ADAM2: variants seen among roughly 807,000 people sequenced by gnomAD.
The protein encoded by ADAM2 is ADAM metallopeptidase domain 2.
Under a neutral mutation model 99.3 loss-of-function variants are expected in ADAM2, and 101 were observed. The observed-to-expected ratio is 1.02, with a 90% CI of 0.87 to 1.20. ADAM2 has a LOEUF of 1.20. ADAM2 is among the 50% of genes most tolerant of loss of function. The pLI is 0.00. For missense variants in ADAM2, 948 were observed against 878.7 expected (o/e 1.08, Z -1.00); for synonymous variants, 323 against 287.6 (o/e 1.12, Z -1.25).
rs1472182051 is a variant in ADAM2, at chr8:39,788,735, A to T, written c.576T>A (p.Asn192Lys). 6.6e-7 allele frequency: 1 copy of T among 1,507,596 alleles called. No homozygotes were observed. The highest frequency in any genetic ancestry group is 9.0e-7 in the Non-Finnish European group (1 of 1,111,168). 93.4% of individuals were successfully genotyped at this position (1,507,596 alleles called of 1,614,324 possible). ...CAACAGTTGTATCAGACCCCATATG[A>T]TTATACTGTAAAATATTATTACATT... ...MHVIVEKQLY[N>K]HMGSDTTVVA... The change falls in exon 8 of 21, where the codon AAT becomes AAA. Residue 192 changes from asparagine (N) to lysine (K), a missense_variant. Asn to Lys is a moderately conservative substitution (Grantham distance 94). Coordinates refer to ENST00000265708, the MANE Select transcript of ADAM2 (RefSeq NM_001464.5).
At chr8:39,811,117 T>G (rs1299578015) in intron 6 of ADAM2, among the ~76,000 whole-genome samples, 1 of 151,902 alleles carries the variant, frequency 6.6e-6, no homozygotes, top group Non-Finnish European at 1.5e-5. Flanking sequence ...TCACCACCAA[T>G]CCCACAGAAA....
At position 39,766,756 on chromosome 8, in the gene ADAM2, C is replaced by G. The variant is rs955724711; in HGVS notation, c.1507+92G>C. On this transcript the variant is annotated intron_variant, in intron 14 of 20. Coordinates refer to ENST00000265708, the MANE Select transcript of ADAM2 (RefSeq NM_001464.5). ...TTTAGAATATTTAAACTAAATGTGA[C>G]ATTTTAAAAATCACAATCATGTATC... 6.4e-6 allele frequency: 6 copies of G among 943,938 alleles called. No individual in the cohort carries two copies. The African/African-American group carries it at 8.3e-5, about 13-fold the overall frequency. The allele number at this position is 943,938 out of a possible 1,614,324, so 58.5% of individuals were successfully genotyped here.
At chr8:39,773,482 T>A (rs1802863909) in intron 11 of ADAM2, among the ~76,000 whole-genome samples, 1 of 151,624 alleles carries the variant, frequency 6.6e-6, no homozygotes, top group Non-Finnish European at 1.5e-5. Flanking sequence ...TATGATTCTT[T>A]AAAAAAATTA....
intron 7 of ADAM2, 152 bp downstream of exon 7, chr8:39,809,258 C>T: frequency 2.0e-6 from 1 of 509,128 alleles, no homozygotes; most frequent in Non-Finnish European, 3.5e-6. Flanking sequence ...ATTTGATTCT[C>T]AATTTACTAC....
chr8:39,788,911 TA>T (rs908028573), intron 7 of ADAM2, among the ~76,000 whole-genome samples, 171 bp from the exon 8 acceptor site: 1 of 151,552 alleles, frequency 6.6e-6, no homozygotes, highest in Non-Finnish European at 1.5e-5. Flanking sequence ...ATGTTCAGTA[TA>T]AAAACTGAAA....
chr8:39,813,169 A>G (rs1350696059), intron 6 of ADAM2, among the ~76,000 whole-genome samples: 2 of 152,230 alleles, frequency 1.3e-5, no homozygotes, highest in African/African-American at 4.8e-5. Flanking sequence ...AGATGAAAAA[A>G]TGCTCATCAT....
intron 7 of ADAM2, among the ~76,000 whole-genome samples, chr8:39,797,469 A>C (rs1477987680): frequency 6.6e-6 from 1 of 152,178 alleles, no homozygotes; most frequent in Non-Finnish European, 1.5e-5. Flanking sequence ...TATGGTTTGA[A>C]GTCAGGTAGC....
chr8:39,806,312 G>A (rs1215729578), intron 7 of ADAM2, among the ~76,000 whole-genome samples: 5 of 151,730 alleles, frequency 3.3e-5, no homozygotes, highest in Non-Finnish European at 7.4e-5. Context: ...TAGAGAGGCA[G>A]AGTCTTCAGA....
intron 9 of ADAM2, among the ~76,000 whole-genome samples, chr8:39,787,264 A>G (rs6987114): frequency 0.014 from 2,183 of 151,882 alleles, 59 homozygotes; most frequent in African/African-American, 0.05. Flanking sequence ...GATTTCTGTA[A>G]CATAACAAAG....
chr8:39,793,241 A>T (rs181814815), intron 7 of ADAM2, among the ~76,000 whole-genome samples: 24 of 152,242 alleles, frequency 1.6e-4, no homozygotes, highest in Non-Finnish European at 2.5e-4. Flanking sequence ...TGCCTTTTAA[A>T]TGTTAATTCT....
intron 11 of ADAM2, among the ~76,000 whole-genome samples, chr8:39,773,263 C>G (rs202004): frequency 0.18 from 27,622 of 151,412 alleles, 2,817 homozygotes; most frequent in East Asian, 0.29. Context: ...GTATCAAAAA[C>G]GTGTGGTGTG....
At chr8:39,769,970 G>A (rs150073094) in intron 11 of ADAM2, among the ~76,000 whole-genome samples, 3 of 128,202 alleles carry the variant, frequency 2.3e-5, no homozygotes, top group Middle Eastern at 5.8e-3. Context: ...TTTTTGAGAC[G>A]GAGTCTCACT....
intron 6 of ADAM2, among the ~76,000 whole-genome samples, chr8:39,815,239 T>C (rs1280508163): frequency 6.6e-6 from 1 of 152,180 alleles, no homozygotes; most frequent in Non-Finnish European, 1.5e-5. Context: ...ATTTCATTTA[T>C]TTTTAAATCT....
At chr8:39,815,938 G>C (rs1216574447) in intron 6 of ADAM2, among the ~76,000 whole-genome samples, 1 of 151,958 alleles carries the variant, frequency 6.6e-6, no homozygotes, top group Non-Finnish European at 1.5e-5. Flanking sequence ...ACCACAATTA[G>C]ATATCAGTTC....
chr8:39,819,106 G>A (rs940790761), intron 6 of ADAM2, among the ~76,000 whole-genome samples: 23 of 152,186 alleles, frequency 1.5e-4, no homozygotes, highest in African/African-American at 4.8e-4. Context: ...ATTGAAGGAT[G>A]TACACTTACC....
chr8:39,827,158 A>T (rs1805443172), intron 3 of ADAM2, among the ~76,000 whole-genome samples: 1 of 152,178 alleles, frequency 6.6e-6, no homozygotes. Flanking sequence ...ATCATCAGAA[A>T]AAAGTATATC....
intron 6 of ADAM2, among the ~76,000 whole-genome samples, chr8:39,817,743 ATATT>A (rs1362223856): frequency 1.3e-5 from 2 of 152,040 alleles, no homozygotes; most frequent in African/African-American, 2.4e-5. Context: ...AAAAAAGAAA[ATATT>A]TAAATTAATA....
chr8:39,764,755 AG>A (rs1240179606), intron 14 of ADAM2, among the ~76,000 whole-genome samples: 1 of 152,076 alleles, frequency 6.6e-6, no homozygotes, highest in African/African-American at 2.4e-5. Flanking sequence ...GGCTCAAGCG[AG>A]TAATCCCAGC....
At chr8:39,755,144 C>T (rs1214806136) in intron 16 of ADAM2, among the ~76,000 whole-genome samples, 1 of 151,942 alleles carries the variant, frequency 6.6e-6, no homozygotes, top group Non-Finnish European at 1.5e-5. Flanking sequence ...TAGATGTATT[C>T]TCTGTGTGAT....
Sources: allele counts gnomAD v4.1 joint callset (sites outside exome capture counted in the v4.1 genomes callset), GRCh38; gene constraint gnomAD v4.1.1; transcripts MANE v1.5; gene names NCBI Gene and HGNC (gene_info 2026-07-23, HGNC 2026-07-21).